Variants in C1QTNF9B observed in about 807,000 individuals in gnomAD.
C1QTNF9B encodes complement C1q and tumor necrosis factor-related protein 9B.
Under a neutral mutation model 10.1 loss-of-function variants are expected in C1QTNF9B, and 9 were observed. The ratio of observed to expected loss-of-function variants is 0.89; its 90% CI spans 0.53 to 1.55. The LOEUF is 1.55. Ranked by LOEUF, C1QTNF9B falls within the 40% of genes most tolerant of loss-of-function variation. C1QTNF9B has a pLI of 0.00. For synonymous variants in C1QTNF9B, 79 were observed against 159.9 expected (o/e 0.49, Z 3.82); for missense variants, 196 against 414.4 (o/e 0.47, Z 4.58).
chr13:23,895,930 C>G (rs1346561479), intron 1 of C1QTNF9B, among the ~76,000 whole-genome samples: 1 of 152,178 alleles, frequency 6.6e-6, no homozygotes. Context: ...GAAGACACCT[C>G]ACAGAGCAGA....
rs146675586 is a variant in C1QTNF9B, at chr13:23,891,545, T to C, written c.746A>G (p.Tyr249Cys). 4.2e-5 allele frequency: 68 copies of C among 1,607,918 alleles called. No individual in the cohort carries two copies. The Admixed American group carries it at 6.4e-4, about 15-fold the overall frequency. ...AACAGTGATGTGGTAGGTGAAGTAA[T>C]AGACCCCAGCAATGTGGCACGTGAA... Residue 249 changes from tyrosine (Y) to cysteine (C), a missense_variant, in exon 3 of 3, where the codon TAT becomes TGT. Transcript: ENST00000382137.
chr13:23,894,566 A>G (rs1188146212), intron 1 of C1QTNF9B: 5 of 516,418 alleles, frequency 9.7e-6, no homozygotes, highest in South Asian at 7.7e-5. Context: ...TGAATGTTGG[A>G]GGTGCGAGGA....
chr13:23,892,442 T>C (rs1294863420), intron 2 of C1QTNF9B, among the ~76,000 whole-genome samples: 1 of 151,912 alleles, frequency 6.6e-6, no homozygotes, highest in Non-Finnish European at 1.5e-5. Flanking sequence ...ACTACTTGAG[T>C]CCAGGAATTC....
At chr13:23,895,877 G>A (rs568149365) in intron 1 of C1QTNF9B, among the ~76,000 whole-genome samples, 1 of 152,174 alleles carries the variant, frequency 6.6e-6, no homozygotes, top group East Asian at 1.9e-4. Flanking sequence ...GCTACCGGGG[G>A]ACTGGAACAG....
intron 2 of C1QTNF9B, among the ~76,000 whole-genome samples, chr13:23,892,365 A>G (rs1307238184): frequency 2.0e-5 from 3 of 152,268 alleles, no homozygotes; most frequent in Admixed American, 2.0e-4. Flanking sequence ...ATAAAATTCA[A>G]TTACTCCAGC....
chr13:23,897,067 C>A (rs1180729133), upstream of C1QTNF9B: 5 of 1,586,028 alleles, frequency 3.2e-6, no homozygotes, highest in Non-Finnish European at 4.3e-6. Flanking sequence ...CTGGACACAG[C>A]CTCCGTTCTG....
At chr13:23,897,275 C>A, upstream of C1QTNF9B, 1 of 461,682 alleles carries the variant, frequency 2.2e-6, no homozygotes, top group Non-Finnish European at 3.8e-6. Flanking sequence ...GATACTCTTC[C>A]GTTCATCATT....
chr13:23,894,526 T>A (rs1175924708), intron 1 of C1QTNF9B: 2 of 582,456 alleles, frequency 3.4e-6, no homozygotes, highest in African/African-American at 3.7e-5. Flanking sequence ...ATTGTGTTCC[T>A]CTCCTGCGAC....
intron 1 of C1QTNF9B, among the ~76,000 whole-genome samples, chr13:23,895,317 AG>A (rs1872158117): frequency 6.6e-6 from 1 of 152,060 alleles, no homozygotes; most frequent in African/African-American, 2.4e-5. Flanking sequence ...GACCCCAATC[AG>A]TAGACATTTA....
rs1872121552 is a variant in C1QTNF9B at position 23,894,312 on chromosome 13, G to A, written c.167-111C>T. On this transcript the variant is annotated intron_variant, in intron 1 of 2. Coordinates refer to ENST00000382137, the Ensembl canonical transcript of C1QTNF9B. ...AGAGTCTGGGGGTGACCCCCGCCCT[G>A]ACGGGCACTCTGTCCTCCACACGAG... 22 of 1,022,000 alleles carry A rather than the reference G, an allele frequency of 2.2e-5. No homozygotes were observed. In the South Asian group the frequency reaches 2.9e-4, roughly 14 times the overall value. 63.3% of individuals were successfully genotyped at this position (1,022,000 alleles called of 1,614,324 possible). A position where few individuals can be genotyped will look rare whatever the true frequency, so the allele number is the denominator to read the frequency against.
upstream of C1QTNF9B, chr13:23,897,126 A>G (rs1419193847): frequency 8.0e-6 from 10 of 1,248,760 alleles, no homozygotes; most frequent in Middle Eastern, 2.0e-4. Context: ...CCACACCTGG[A>G]CAGACTTGGC....
At chr13:23,892,041 C>T in exon 3 of C1QTNF9B, 1 of 1,613,932 alleles carries the variant, frequency 6.2e-7, no homozygotes, top group African/African-American at 1.3e-5. Flanking sequence ...ATGCCTTTTG[C>T]TTCAACTTTT....
chr13:23,894,307 G>A lies in C1QTNF9B; in HGVS notation c.167-106C>T, dbSNP rs57722870. ...GTTGGAGAGTCTGGGGGTGACCCCC[G>A]CCCTGACGGGCACTCTGTCCTCCAC... On this transcript the variant is annotated intron_variant, in intron 1 of 2. Transcript: ENST00000382137. 6.8e-4 allele frequency: 701 copies of A among 1,029,990 alleles called. 26 individuals carry two copies. The East Asian group carries it at 0.017, about 25-fold the overall frequency. The allele number at this position is 1,029,990 out of a possible 1,614,324, so 63.8% of individuals were successfully genotyped here.
chr13:23,895,808 G>C (rs1196988506), intron 1 of C1QTNF9B, among the ~76,000 whole-genome samples: 1 of 151,870 alleles, frequency 6.6e-6, no homozygotes, highest in African/African-American at 2.4e-5. Context: ...CAGTGTGAGG[G>C]CAGAAGACCT....
At chr13:23,895,484 A>G (rs1312064707) in intron 1 of C1QTNF9B, among the ~76,000 whole-genome samples, 7 of 151,800 alleles carry the variant, frequency 4.6e-5, no homozygotes, top group Non-Finnish European at 8.8e-5. Context: ...ATATATTACA[A>G]ATAATACTTA....
At chr13:23,894,730 T>C in intron 1 of C1QTNF9B, 1 of 428,018 alleles carries the variant, frequency 2.3e-6, no homozygotes, top group Admixed American at 2.5e-5. Context: ...TGCCTTACAC[T>C]GGGGGAAATG....
intron 1 of C1QTNF9B, chr13:23,894,523 T>G (rs1426867123): frequency 3.1e-5 from 18 of 586,832 alleles, no homozygotes; most frequent in Non-Finnish European, 4.8e-5. Context: ...TTGATTGTGT[T>G]CCTCTCCTGC....
At chr13:23,891,161 C>T in exon 3 of C1QTNF9B, 1 of 999,008 alleles carries the variant, frequency 1.0e-6, no homozygotes, top group Non-Finnish European at 1.4e-6. Flanking sequence ...TTGGGAATAA[C>T]TTTTCCGTTT....
chr13:23,897,014 AG>A (rs1338479683), upstream of C1QTNF9B: 1 of 1,613,400 alleles, frequency 6.2e-7, no homozygotes, highest in African/African-American at 1.3e-5. Flanking sequence ...GAACTGAAAG[AG>A]GGAAACAGAA....
Sources: gnomAD v4.1 joint callset for allele counts (sites outside exome capture counted in the v4.1 genomes callset) on GRCh38, gnomAD v4.1.1 for gene constraint, MANE v1.5 for transcripts, NCBI Gene and HGNC (gene_info 2026-07-23, HGNC 2026-07-21) for gene names.